The following PLXNA4 variants were observed in gnomAD, a reference collection of about 807,000 sequenced individuals.
PLXNA4 encodes the protein plexin A4, also known as plexin-A4.
A neutral mutation model predicts 191.8 loss-of-function variants in PLXNA4; 44 were observed. The ratio of observed to expected loss-of-function variants is 0.23; its 90% CI spans 0.18 to 0.29. The LOEUF (loss-of-function observed/expected upper bound fraction) is 0.29. Among genes scored for constraint, PLXNA4 ranks in the 10% least tolerant of loss-of-function variants. The pLI is 1.00. For synonymous variants in PLXNA4, 1,082 were observed against 1,009.5 expected, an observed-to-expected ratio of 1.07 and a Z score of -1.36; for missense variants, 1,800 against 2,488.8, an observed-to-expected ratio of 0.72 and a Z score of 5.89.
intron 3 of PLXNA4, among the ~76,000 whole-genome samples, chr7:132,308,077 G>A (rs1019171946): frequency 2.0e-5 from 3 of 152,068 alleles, no homozygotes; most frequent in African/African-American, 7.2e-5. Flanking sequence ...CTGCTTGAGT[G>A]GTGACACAAA....
intron 3 of PLXNA4, among the ~76,000 whole-genome samples, chr7:132,385,831 T>C (rs1042143974): frequency 1.3e-5 from 2 of 152,200 alleles, no homozygotes; most frequent in Non-Finnish European, 2.9e-5. Context: ...AATTAAAAGA[T>C]AAAGCAGCTT....
intron 2 of PLXNA4, among the ~76,000 whole-genome samples, chr7:132,592,819 C>A (rs1229074046): frequency 6.1e-5 from 9 of 148,540 alleles, no homozygotes; most frequent in African/African-American, 2.2e-4. Flanking sequence ...GGCAGTTAAT[C>A]AAAAATAAAC....
chr7:132,549,950 C>T (rs1457599179), intron 1 of PLXNA4, among the ~76,000 whole-genome samples: 5 of 152,118 alleles, frequency 3.3e-5, no homozygotes, highest in African/African-American at 7.2e-5. Flanking sequence ...CAGAAGAAGA[C>T]AGCACAGGTG....
intron 4 of PLXNA4, among the ~76,000 whole-genome samples, chr7:132,278,761 TGAATGCAGCA>T (rs1247109488): frequency 6.6e-6 from 1 of 152,130 alleles, no homozygotes; most frequent in Non-Finnish European, 1.5e-5. Flanking sequence ...GTGCACACAG[TGAATGCAGCA>T]GAATCTGGTA....
rs769524408 is a variant in PLXNA4 at position 132,145,319 on chromosome 7, T to C, written c.5056-31A>G. 2.5e-6 allele frequency: 4 copies of C among 1,612,096 alleles called. No homozygotes were observed. In the South Asian group the frequency reaches 4.4e-5, roughly 18 times the overall value. On this transcript the variant is annotated intron_variant, in intron 28 of 31. Transcript: ENST00000321063. ...GAGGCAGGATACGTCCAGACACAGC[T>C]CGACTCACGTAGTTCTGAGGATGGC...
chr7:132,536,326 A>G lies in PLXNA4; in HGVS notation c.-86-27547T>C, dbSNP rs192306488. Among the ~76,000 whole-genome samples the G allele has an allele frequency of 2.0e-5, 3 of 152,236 alleles. No individual in the cohort carries two copies. In the East Asian group the frequency reaches 5.8e-4, roughly 29 times the overall value. ...ATAAGTGACTAATTTTTATCCTTTT[A>G]TCCTAGTCTTGATCCTTGCAACAGA... is the stretch of plus-strand genomic sequence containing the variant. On this transcript the variant is annotated intron_variant, in intron 1 of 31. Coordinates refer to ENST00000321063, the MANE Select transcript of PLXNA4 (RefSeq NM_020911.2).
chr7:132,640,341 C>G (rs1204679536), intron 2 of PLXNA4, among the ~76,000 whole-genome samples: 2 of 152,170 alleles, frequency 1.3e-5, no homozygotes, highest in Non-Finnish European at 1.5e-5. Flanking sequence ...TGCATATAGC[C>G]ATAGGTTACG....
At chr7:132,567,058 TTAAA>T (rs1406409334) in intron 1 of PLXNA4, among the ~76,000 whole-genome samples, 7 of 152,168 alleles carry the variant, frequency 4.6e-5, no homozygotes, top group Admixed American at 4.6e-4. Flanking sequence ...ATCAATAGGC[TTAAA>T]TACTCCCACA....
intron 2 of PLXNA4, among the ~76,000 whole-genome samples, chr7:132,607,510 C>G (rs778452507): frequency 6.6e-6 from 1 of 152,180 alleles, no homozygotes; most frequent in Non-Finnish European, 1.5e-5. Flanking sequence ...AGTTCTGAAA[C>G]GTAATAACAA....
intron 9 of PLXNA4, among the ~76,000 whole-genome samples, chr7:132,222,329 A>G (rs1447838074): frequency 6.6e-6 from 1 of 152,084 alleles, no homozygotes; most frequent in Non-Finnish European, 1.5e-5. Context: ...GTGTACATTG[A>G]CCTTCCCTTT....
chr7:132,160,038 C>T (rs1795902075), intron 24 of PLXNA4, among the ~76,000 whole-genome samples: 1 of 152,188 alleles, frequency 6.6e-6, no homozygotes, highest in African/African-American at 2.4e-5. Context: ...CTCAGCGGCA[C>T]ACCCAGACCC....
chr7:132,200,424 G>A (rs993049806), intron 12 of PLXNA4, among the ~76,000 whole-genome samples: 3 of 152,174 alleles, frequency 2.0e-5, no homozygotes, highest in African/African-American at 7.2e-5. Flanking sequence ...GGGCAGTGAG[G>A]AGAGAAGAGG....
At chr7:132,481,267 CAG>C (rs1563123904) in intron 3 of PLXNA4, among the ~76,000 whole-genome samples, 1 of 152,014 alleles carries the variant, frequency 6.6e-6, no homozygotes, top group Non-Finnish European at 1.5e-5. Flanking sequence ...AGAGACAGAA[CAG>C]AGGGAATGAA....
intron 3 of PLXNA4, among the ~76,000 whole-genome samples, chr7:132,318,665 T>A: frequency 6.8e-6 from 1 of 146,784 alleles, no homozygotes; most frequent in South Asian, 2.1e-4. Context: ...ACTTTGCTTT[T>A]TTTTTTTTTT....
At chr7:132,622,753 A>G (rs1803293285) in intron 2 of PLXNA4, among the ~76,000 whole-genome samples, 1 of 152,166 alleles carries the variant, frequency 6.6e-6, no homozygotes, top group African/African-American at 2.4e-5. Flanking sequence ...ATGCTGCAGA[A>G]TTGTTTCATC....
chr7:132,342,119 T>TTG (rs1443093612), intron 3 of PLXNA4, among the ~76,000 whole-genome samples: 2 of 151,678 alleles, frequency 1.3e-5, no homozygotes, highest in South Asian at 2.1e-4. Context: ...GGAGACCACC[T>TTG]AAGCCAGCTC....
chr7:132,286,437 G>A (rs549668616), intron 4 of PLXNA4, among the ~76,000 whole-genome samples: 1 of 152,284 alleles, frequency 6.6e-6, no homozygotes, highest in Admixed American at 6.5e-5. Context: ...GCTAAGTTAG[G>A]AGAAGGCGCA....
At chr7:132,314,536 A>G (rs1801869611) in intron 3 of PLXNA4, among the ~76,000 whole-genome samples, 1 of 152,094 alleles carries the variant, frequency 6.6e-6, no homozygotes, top group Admixed American at 6.5e-5. Flanking sequence ...CTGGAAAGGG[A>G]GGCCACGGGA....
intron 2 of PLXNA4, among the ~76,000 whole-genome samples, chr7:132,586,834 G>A (rs1020776198): frequency 2.6e-5 from 4 of 152,208 alleles, no homozygotes; most frequent in African/African-American, 9.6e-5. Flanking sequence ...GCTGAGGTGG[G>A]AGGATTGTTT....
Sources: gnomAD v4.1 joint callset for allele counts (sites outside exome capture counted in the v4.1 genomes callset) on GRCh38, gnomAD v4.1.1 for gene constraint, MANE v1.5 for transcripts, NCBI Gene and HGNC (gene_info 2026-07-23, HGNC 2026-07-21) for gene names.